ZBTB20: variants seen among roughly 807,000 people sequenced by gnomAD.
ZBTB20 encodes zinc finger and BTB domain containing 20, also known as zinc finger and BTB domain-containing protein 20.
Under a neutral mutation model 56.9 loss-of-function variants are expected in ZBTB20, and 9 were observed. That is an observed-to-expected ratio of 0.16 (90% CI 0.10 to 0.28). The LOEUF is 0.28. ZBTB20 is among the 10% of genes least tolerant of loss of function. The pLI is 1.00. For synonymous variants in ZBTB20, 417 were observed against 420.7 expected, an observed-to-expected ratio of 0.99 and a Z score of 0.11; for missense variants, 655 against 1,003.0, an observed-to-expected ratio of 0.65 and a Z score of 4.69.
intron 2 of ZBTB20, among the ~76,000 whole-genome samples, chr3:114,980,702 T>C (rs1157954457): frequency 6.6e-6 from 1 of 151,874 alleles, no homozygotes; most frequent in East Asian, 1.9e-4. Context: ...ATTATGAAAC[T>C]ATAAAAATAT....
At chr3:114,813,018 T>G (rs1351289624) in intron 4 of ZBTB20, among the ~76,000 whole-genome samples, 1 of 152,114 alleles carries the variant, frequency 6.6e-6, no homozygotes, top group African/African-American at 2.4e-5. Flanking sequence ...GCAGCCCCGG[T>G]TCCCGCCCGC....
At chr3:114,812,064 A>G (rs933843199) in intron 4 of ZBTB20, among the ~76,000 whole-genome samples, 8 of 152,314 alleles carry the variant, frequency 5.3e-5, no homozygotes, top group Non-Finnish European at 1.2e-4. Context: ...TGAGTGTTAC[A>G]GCTCATAAAG....
chr3:114,685,467 G>T (rs572472514), intron 6 of ZBTB20, among the ~76,000 whole-genome samples: 1 of 152,170 alleles, frequency 6.6e-6, no homozygotes, highest in East Asian at 1.9e-4. Flanking sequence ...AGCAGCCCTC[G>T]GCAGGTTTCA....
Position 115,014,967 on chromosome 3 carries a change from G to A in ZBTB20, c.-506-40551C>T, listed in dbSNP as rs74355973. On this transcript the variant is annotated intron_variant, in intron 2 of 11. Coordinates refer to ENST00000675478, the MANE Select transcript of ZBTB20 (RefSeq NM_001348800.3). ...ATAAAAGGCTAAGAAAAGCTATTTCGCTGAAAACCTTATTGACTGTTTTAA... is the reference window on the plus strand; with the variant it reads ...ATAAAAGGCTAAGAAAAGCTATTTCACTGAAAACCTTATTGACTGTTTTAA... 2.6e-3 allele frequency among the ~76,000 whole-genome samples: 401 copies of A among 151,776 alleles called. 2 individuals are homozygous for A. The highest frequency in any genetic ancestry group is 9.2e-3 in the African/African-American group (383 of 41,462).
chr3:114,551,981 G>T (rs183097357), intron 6 of ZBTB20, among the ~76,000 whole-genome samples: 355 of 152,340 alleles, frequency 2.3e-3, no homozygotes, highest in Non-Finnish European at 3.9e-3. Context: ...AAGCCCATGT[G>T]GGGGGATCAC....
At chr3:114,862,866 A>T (rs2075595182) in intron 4 of ZBTB20, among the ~76,000 whole-genome samples, 1 of 152,160 alleles carries the variant, frequency 6.6e-6, no homozygotes, top group Non-Finnish European at 1.5e-5. Context: ...TATATAACCA[A>T]ATCTAGGATA....
intron 7 of ZBTB20, among the ~76,000 whole-genome samples, chr3:114,463,939 T>G (rs1313471435): frequency 6.6e-6 from 1 of 152,236 alleles, no homozygotes; most frequent in Non-Finnish European, 1.5e-5. Flanking sequence ...AATTTCAACA[T>G]AAGTCATTAA....
chr3:114,625,238 A>C (rs1209125788), intron 6 of ZBTB20, among the ~76,000 whole-genome samples: 8 of 152,084 alleles, frequency 5.3e-5, no homozygotes, highest in Non-Finnish European at 1.2e-4. Flanking sequence ...GAAAAAAAAA[A>C]GCTGCCTACC....
intron 2 of ZBTB20, among the ~76,000 whole-genome samples, chr3:115,048,313 C>A (rs1426499760): frequency 6.6e-6 from 1 of 152,180 alleles, no homozygotes; most frequent in Non-Finnish European, 1.5e-5. Context: ...CACATACACA[C>A]AAATCTACTA....
intron 4 of ZBTB20, among the ~76,000 whole-genome samples, chr3:114,850,765 T>C (rs137979193): frequency 1.3e-5 from 2 of 152,318 alleles, no homozygotes; most frequent in Non-Finnish European, 1.5e-5. Flanking sequence ...GGCTGTAGAA[T>C]GTTAGAGCTG....
intron 6 of ZBTB20, among the ~76,000 whole-genome samples, chr3:114,635,362 C>A (rs776218407): frequency 2.0e-5 from 3 of 152,062 alleles, no homozygotes; most frequent in African/African-American, 7.2e-5. Flanking sequence ...TCTGTAGAGA[C>A]TGGGAAAGGT....
rs1038992514 is a variant in ZBTB20 at position 115,025,431 on chromosome 3, T to C, written c.-507+45788A>G. Among the ~76,000 whole-genome samples the C allele has an allele frequency of 4.6e-5, 7 of 151,386 alleles. 1 individual carries two copies. In the Middle Eastern group the frequency reaches 0.014, roughly 294 times the overall value. On this transcript the variant is annotated intron_variant, in intron 2 of 11. Transcript: ENST00000675478. ...CATACACATGCATGTGTCTTTATAA[T>C]AGAATGATTTATATTCCTTTAGGTA...
At chr3:114,402,952 G>C (rs1400412418) in intron 7 of ZBTB20, among the ~76,000 whole-genome samples, 1 of 152,140 alleles carries the variant, frequency 6.6e-6, no homozygotes, top group Non-Finnish European at 1.5e-5. Flanking sequence ...TGGTGTGTCT[G>C]GCACCTAAGC....
At chr3:115,042,101 A>G (rs2081167936) in intron 2 of ZBTB20, among the ~76,000 whole-genome samples, 1 of 152,144 alleles carries the variant, frequency 6.6e-6, no homozygotes, top group Non-Finnish European at 1.5e-5. Context: ...CCAGACTGAG[A>G]CCATGCCATT....
intron 7 of ZBTB20, among the ~76,000 whole-genome samples, chr3:114,471,641 T>C (rs1381954316): frequency 2.0e-5 from 3 of 152,246 alleles, no homozygotes; most frequent in African/African-American, 4.8e-5. Flanking sequence ...GTGACAGATA[T>C]AGGACTGCTT....
chr3:114,887,978 A>G (rs1258782657), intron 4 of ZBTB20, among the ~76,000 whole-genome samples: 1 of 152,050 alleles, frequency 6.6e-6, no homozygotes, highest in Non-Finnish European at 1.5e-5. Context: ...ACTGCCCTCT[A>G]TTTGGAGCTG....
At position 114,541,661 on chromosome 3, in the gene ZBTB20, C is replaced by T. The variant is rs138424601; in HGVS notation, c.-294-41270G>A. Among the ~76,000 whole-genome samples, 193 of 152,198 alleles carry T rather than the reference C, an allele frequency of 1.3e-3. 1 individual carries two copies. Among genetic ancestry groups the T allele is most frequent in the Non-Finnish European group, 2.2e-3 (150 of 67,976 alleles). On this transcript the variant is annotated intron_variant, in intron 6 of 11. Transcript: ENST00000675478. The stretch of plus-strand genomic sequence containing the variant: ...AAACAACCTGTGGACTGTGATAGTA[C>T]CTACAGACCTTTTCTTCAACATATG...
rs114715925 is a variant in ZBTB20 at position 115,001,595 on chromosome 3, T to G, written c.-506-27179A>C. On this transcript the variant is annotated intron_variant, in intron 2 of 11. Transcript: ENST00000675478. ...GGTATACAAAATTTGTGTCTCAATA[T>G]ATTACCAATTAAATATTGAAATGTA... is the stretch of plus-strand genomic sequence containing the variant. 7.1e-3 allele frequency among the ~76,000 whole-genome samples: 1,082 copies of G among 151,394 alleles called. 13 individuals are homozygous for G. Among genetic ancestry groups the G allele is most frequent in the African/African-American group, 0.025 (1,029 of 41,444 alleles).
At chr3:114,782,021 A>G (rs960455567) in intron 5 of ZBTB20, among the ~76,000 whole-genome samples, 26 of 152,198 alleles carry the variant, frequency 1.7e-4, no homozygotes, top group Admixed American at 1.0e-3. Context: ...GGCAAAGGAG[A>G]AAATGGGGGA....
Sources: allele counts gnomAD v4.1 joint callset (sites outside exome capture counted in the v4.1 genomes callset), GRCh38; gene constraint gnomAD v4.1.1; transcripts MANE v1.5; gene names NCBI Gene and HGNC (gene_info 2026-07-23, HGNC 2026-07-21).